MCTP1: variants seen among roughly 807,000 people sequenced by gnomAD.
MCTP1 encodes the protein multiple C2 and transmembrane domain containing 1.
Under a neutral mutation model 120.6 loss-of-function variants are expected in MCTP1, and 69 were observed. The ratio of observed to expected loss-of-function variants is 0.57; its 90% CI spans 0.47 to 0.70. The LOEUF is 0.70. Ranked by LOEUF, MCTP1 falls within the 30% of genes least tolerant of loss-of-function variation. The pLI is 0.00. For synonymous variants in MCTP1, 529 were observed against 493.1 expected (o/e 1.07, Z -0.96); for missense variants, 1,203 against 1,248.8 (o/e 0.96, Z 0.55).
chr5:95,245,279 A>C (rs1296934523), intron 1 of MCTP1, among the ~76,000 whole-genome samples: 1 of 152,230 alleles, frequency 6.6e-6, no homozygotes, highest in Non-Finnish European at 1.5e-5. Context: ...CCTCCAAAGG[A>C]TCACAGCTCC....
intron 1 of MCTP1, among the ~76,000 whole-genome samples, chr5:95,156,146 G>A (rs1337439965): frequency 6.6e-6 from 1 of 152,170 alleles, no homozygotes; most frequent in Non-Finnish European, 1.5e-5. Flanking sequence ...GAGAACTACA[G>A]TGTGGTGGAC....
At chr5:95,191,150 T>G (rs1216858771) in intron 1 of MCTP1, among the ~76,000 whole-genome samples, 1 of 151,918 alleles carries the variant, frequency 6.6e-6, no homozygotes, top group Non-Finnish European at 1.5e-5. Flanking sequence ...AATGAAAACA[T>G]AAAATCTATC....
intron 2 of MCTP1, among the ~76,000 whole-genome samples, chr5:95,001,157 G>A (rs982455070): frequency 3.2e-4 from 48 of 152,194 alleles, no homozygotes; most frequent in African/African-American, 6.5e-4. Flanking sequence ...ATGATTGTAC[G>A]TTTCCTGAAG....
chr5:95,036,677 A>C (rs1205191682), intron 1 of MCTP1, among the ~76,000 whole-genome samples: 1 of 152,228 alleles, frequency 6.6e-6, no homozygotes, highest in Non-Finnish European at 1.5e-5. Context: ...TTTAAATGTC[A>C]TATCAATCCT....
chr5:95,251,309 A>C lies in MCTP1; in HGVS notation c.720+32547T>G, dbSNP rs115523895. On this transcript the variant is annotated intron_variant, in intron 1 of 22. Coordinates refer to ENST00000515393, the MANE Select transcript of MCTP1 (RefSeq NM_024717.7). Reference sequence around the variant, plus strand: ...GAGAACAAGCTTGACCATTAGAGGAACCTAAAGAATGTCAGTATGCCTACT... The same window carrying C: ...GAGAACAAGCTTGACCATTAGAGGACCCTAAAGAATGTCAGTATGCCTACT... Among the ~76,000 whole-genome samples, 1,040 of 152,150 alleles carry C rather than the reference A, an allele frequency of 6.8e-3. 13 individuals are homozygous for C. Among genetic ancestry groups the C allele is most frequent in the African/African-American group, 0.023 (946 of 41,518 alleles).
chr5:94,962,027 C>G (rs1305353859), intron 2 of MCTP1, among the ~76,000 whole-genome samples: 1 of 151,960 alleles, frequency 6.6e-6, no homozygotes. Context: ...AAATTACCAA[C>G]AAACACATGA....
chr5:94,770,666 G>T (rs1318310802), intron 19 of MCTP1, among the ~76,000 whole-genome samples: 1 of 152,208 alleles, frequency 6.6e-6, no homozygotes, highest in Non-Finnish European at 1.5e-5. Flanking sequence ...GTGTAACAAA[G>T]CTTGACAGGT....
At chr5:94,788,499 T>C (rs1712072738) in intron 18 of MCTP1, among the ~76,000 whole-genome samples, 3 of 152,208 alleles carry the variant, frequency 2.0e-5, no homozygotes, top group Non-Finnish European at 4.4e-5. Context: ...GGTCTTATAA[T>C]TTCTTGTCAC....
At chr5:94,891,343 G>A (rs1802558957) in intron 11 of MCTP1, among the ~76,000 whole-genome samples, 1 of 152,156 alleles carries the variant, frequency 6.6e-6, no homozygotes, top group African/African-American at 2.4e-5. Flanking sequence ...TAATTCAGAG[G>A]TTTGTGGGCA....
chr5:95,082,446 C>T (rs906173924), intron 1 of MCTP1, among the ~76,000 whole-genome samples: 2 of 152,088 alleles, frequency 1.3e-5, no homozygotes, highest in Non-Finnish European at 2.9e-5. Flanking sequence ...AAGTCTACTA[C>T]ATAAATTCAC....
At chr5:95,032,210 T>C (rs1840432271) in intron 1 of MCTP1, among the ~76,000 whole-genome samples, 1 of 152,084 alleles carries the variant, frequency 6.6e-6, no homozygotes, top group African/African-American at 2.4e-5. Flanking sequence ...AAAGAAACTC[T>C]GGACTTAAAT....
At chr5:95,183,966 A>G (rs938440057) in intron 1 of MCTP1, among the ~76,000 whole-genome samples, 4 of 151,114 alleles carry the variant, frequency 2.6e-5, no homozygotes, top group Non-Finnish European at 5.9e-5. Context: ...ATGAGAACAC[A>G]TGGACGCAGG....
At chr5:95,108,850 G>A (rs1371569801) in intron 1 of MCTP1, among the ~76,000 whole-genome samples, 1 of 152,158 alleles carries the variant, frequency 6.6e-6, no homozygotes, top group East Asian at 1.9e-4. Flanking sequence ...TGAAGGTCTG[G>A]GGAAAATATT....
chr5:95,080,318 A>C (rs1487135774), intron 1 of MCTP1, among the ~76,000 whole-genome samples: 1 of 152,208 alleles, frequency 6.6e-6, no homozygotes, highest in Admixed American at 6.5e-5. Context: ...CCATCAAACT[A>C]GACCAAAAAA....
chr5:95,172,892 G>C (rs1226696874), intron 1 of MCTP1, among the ~76,000 whole-genome samples: 5 of 152,106 alleles, frequency 3.3e-5, no homozygotes, highest in Admixed American at 2.0e-4. Context: ...AAACACCCTA[G>C]AGCTTAACAA....
intron 18 of MCTP1, among the ~76,000 whole-genome samples, chr5:94,786,761 A>AT (rs141322426): frequency 3.8e-4 from 58 of 151,716 alleles, no homozygotes; most frequent in East Asian, 7.7e-4. Flanking sequence ...ATTTATGTTG[A>AT]TTTTTTTTTA....
chr5:94,828,778 T>C (rs1486900561), intron 17 of MCTP1, among the ~76,000 whole-genome samples: 5 of 152,120 alleles, frequency 3.3e-5, no homozygotes, highest in Non-Finnish European at 4.4e-5. Context: ...GCCTCAGCAA[T>C]GGCGGGTGTC....
At chr5:94,872,473 T>C (rs1443669194) in intron 13 of MCTP1, among the ~76,000 whole-genome samples, 1 of 151,518 alleles carries the variant, frequency 6.6e-6, no homozygotes, top group African/African-American at 2.4e-5. Context: ...TACAAAAAAA[T>C]AGAATTATGT....
intron 1 of MCTP1, among the ~76,000 whole-genome samples, chr5:95,041,971 C>T (rs1291586113): frequency 1.3e-5 from 2 of 152,194 alleles, no homozygotes; most frequent in Admixed American, 6.5e-5. Flanking sequence ...AAAGACAGAA[C>T]TCTGCCTGTG....
Sources: allele counts gnomAD v4.1 joint callset (sites outside exome capture counted in the v4.1 genomes callset), GRCh38; gene constraint gnomAD v4.1.1; transcripts MANE v1.5; gene names NCBI Gene and HGNC (gene_info 2026-07-23, HGNC 2026-07-21).